The following SLC8A1 variants were observed in gnomAD, a reference collection of about 807,000 sequenced individuals.
The protein encoded by SLC8A1 is solute carrier family 8 member A1.
In SLC8A1, 18 loss-of-function variants were observed where a neutral mutation model predicts 68.3. The ratio of observed to expected loss-of-function variants is 0.26; its 90% CI spans 0.18 to 0.39. The LOEUF (loss-of-function observed/expected upper bound fraction) is 0.39. Ranked by LOEUF, SLC8A1 falls within the 10% of genes least tolerant of loss-of-function variation. The pLI is 1.00. For missense variants in SLC8A1, 985 were observed against 1,156.7 expected (o/e 0.85, Z 2.15); for synonymous variants, 475 against 415.5 (o/e 1.14, Z -1.74).
chr2:40,198,378 A>T lies in SLC8A1; in HGVS notation c.1809-20523T>A, dbSNP rs1573930256. On this transcript the variant is annotated intron_variant, in intron 2 of 7. Transcript: ENST00000406785. ...CTTGTTTGCATTTCCCAAGCCTAGA[A>T]AGATGATATATAATTATCACCATTA... Among the ~76,000 whole-genome samples the T allele has an allele frequency of 3.3e-5, 5 of 152,066 alleles. No individual in the cohort carries two copies. In the South Asian group the frequency reaches 1.0e-3, roughly 31 times the overall value.
At chr2:40,170,441 C>A in intron 4 of SLC8A1, 92 bp from the exon 7 acceptor site, 1 of 1,023,392 alleles carries the variant, frequency 9.8e-7, no homozygotes, top group Non-Finnish European at 1.5e-6. Context: ...ACATCACACC[C>A]AGATGCACAC....
At chr2:40,436,721 A>G (rs1699491700) in intron 1 of SLC8A1, among the ~76,000 whole-genome samples, 1 of 152,148 alleles carries the variant, frequency 6.6e-6, no homozygotes, top group African/African-American at 2.4e-5. Context: ...GGGAAAGAAC[A>G]CCAAGCATTT....
chr2:40,274,038 G>A (rs777890501), intron 2 of SLC8A1, among the ~76,000 whole-genome samples: 9 of 151,306 alleles, frequency 5.9e-5, no homozygotes, highest in African/African-American at 1.9e-4. Context: ...CCTGTCTGTC[G>A]CCTTATAAAA....
chr2:40,340,382 G>A (rs539887721), intron 2 of SLC8A1, among the ~76,000 whole-genome samples: 10 of 152,208 alleles, frequency 6.6e-5, no homozygotes, highest in Admixed American at 6.5e-4. Flanking sequence ...CCGACATGGT[G>A]AACTCTCATC....
chr2:40,295,365 A>G (rs1424320962), intron 2 of SLC8A1, among the ~76,000 whole-genome samples: 1 of 152,118 alleles, frequency 6.6e-6, no homozygotes, highest in Admixed American at 6.6e-5. Flanking sequence ...AGCCTCCCAC[A>G]GTGTTGAGAT....
chr2:40,231,145 G>A (rs977629418), intron 2 of SLC8A1, among the ~76,000 whole-genome samples: 3 of 152,128 alleles, frequency 2.0e-5, no homozygotes, highest in African/African-American at 7.2e-5. Context: ...CCAGAAGACT[G>A]AGAAATGCCA....
At chr2:40,299,310 T>C (rs758656197) in intron 2 of SLC8A1, among the ~76,000 whole-genome samples, 1 of 152,208 alleles carries the variant, frequency 6.6e-6, no homozygotes, top group African/African-American at 2.4e-5. Flanking sequence ...CTAAGTGATC[T>C]GCCTGCATTC....
intron 2 of SLC8A1, among the ~76,000 whole-genome samples, chr2:40,257,041 T>C (rs1176988600): frequency 1.3e-5 from 2 of 151,648 alleles, no homozygotes; most frequent in Non-Finnish European, 2.9e-5. Context: ...AATAAATAAA[T>C]AAATAAATGA....
intron 2 of SLC8A1, among the ~76,000 whole-genome samples, chr2:40,205,325 A>G (rs1354975693): frequency 6.6e-6 from 1 of 152,026 alleles, no homozygotes; most frequent in South Asian, 2.1e-4. Flanking sequence ...TCTCTAGCCT[A>G]TTGACCCATT....
At position 40,219,974 on chromosome 2, in the gene SLC8A1, A is replaced by T. The variant is rs560916298; in HGVS notation, c.1809-42119T>A. 4.6e-5 allele frequency among the ~76,000 whole-genome samples: 7 copies of T among 151,576 alleles called. No homozygotes were observed. In the East Asian group the frequency reaches 7.8e-4, roughly 17 times the overall value. On this transcript the variant is annotated intron_variant, in intron 2 of 7. Transcript: ENST00000406785. ...TTGACTAAAATTGTGCCAAATAAAT[A>T]AGATTTTTTTCTTATCTGAGATTGA...
At chr2:40,435,036 G>A (rs534956016) in intron 1 of SLC8A1, among the ~76,000 whole-genome samples, 10 of 152,124 alleles carry the variant, frequency 6.6e-5, no homozygotes, top group Non-Finnish European at 1.3e-4. Flanking sequence ...CAAGGAGGAC[G>A]TGACTCAGAG....
chr2:40,195,287 A>G (rs751281699), intron 2 of SLC8A1, among the ~76,000 whole-genome samples: 1 of 152,108 alleles, frequency 6.6e-6, no homozygotes, highest in Non-Finnish European at 1.5e-5. Flanking sequence ...TATCTGGTAA[A>G]TGAAAGACTG....
At chr2:40,337,334 A>G (rs2149395208) in intron 2 of SLC8A1, 1 of 353,440 alleles carries the variant, frequency 2.8e-6, no homozygotes, top group Non-Finnish European at 6.4e-6. Flanking sequence ...TTTTGTAAAT[A>G]TCATACTACT....
chr2:40,367,683 T>A (rs147544753), intron 2 of SLC8A1, among the ~76,000 whole-genome samples: 25 of 152,114 alleles, frequency 1.6e-4, no homozygotes, highest in African/African-American at 6.0e-4. Flanking sequence ...AATCTGAACA[T>A]GTGGGTCCAA....
intron 2 of SLC8A1, among the ~76,000 whole-genome samples, chr2:40,197,931 G>A (rs2053396630): frequency 7.2e-6 from 1 of 139,368 alleles, no homozygotes; most frequent in African/African-American, 2.6e-5. Flanking sequence ...AATAGCTTTT[G>A]TGGAAAGAAA....
intron 2 of SLC8A1, among the ~76,000 whole-genome samples, chr2:40,238,632 G>C (rs945236504): frequency 3.9e-5 from 6 of 152,086 alleles, no homozygotes; most frequent in African/African-American, 1.4e-4. Flanking sequence ...CTCCTCGATC[G>C]TCTTCTGTTT....
intron 1 of SLC8A1, among the ~76,000 whole-genome samples, chr2:40,503,249 CT>C (rs1490929323): frequency 6.6e-6 from 1 of 152,024 alleles, no homozygotes; most frequent in Non-Finnish European, 1.5e-5. Flanking sequence ...TTTGCATATG[CT>C]GCTCCCTCAA....
chr2:40,275,262 C>G (rs923592055), intron 2 of SLC8A1, among the ~76,000 whole-genome samples: 3 of 152,118 alleles, frequency 2.0e-5, no homozygotes, highest in Non-Finnish European at 4.4e-5. Context: ...CATGAGGCAC[C>G]TACAGGACAG....
chr2:40,188,415 C>T (rs1344528059), intron 2 of SLC8A1, among the ~76,000 whole-genome samples: 1 of 152,166 alleles, frequency 6.6e-6, no homozygotes, highest in Non-Finnish European at 1.5e-5. Context: ...TCTCCATTTG[C>T]CACTGCCTAT....
Sources: gnomAD v4.1 joint callset for allele counts (sites outside exome capture counted in the v4.1 genomes callset) on GRCh38, gnomAD v4.1.1 for gene constraint, MANE v1.5 for transcripts, NCBI Gene and HGNC (gene_info 2026-07-23, HGNC 2026-07-21) for gene names.